Variants in CCSER1 observed in about 807,000 individuals in gnomAD.
CCSER1 encodes the protein serine-rich coiled-coil domain-containing protein 1.
CCSER1 carries 41 observed loss-of-function variants against 82.0 expected under a neutral mutation model. The ratio of observed to expected loss-of-function variants is 0.50; its 90% CI spans 0.39 to 0.65. The LOEUF (loss-of-function observed/expected upper bound fraction) is 0.65. Among genes scored for constraint, CCSER1 ranks in the 30% least tolerant of loss-of-function variants. CCSER1 has a pLI of 0.00. For synonymous variants in CCSER1, 414 were observed against 383.9 expected, an observed-to-expected ratio of 1.08 and a Z score of -0.92; for missense variants, 1,119 against 1,064.2, an observed-to-expected ratio of 1.05 and a Z score of -0.72.
chr4:90,726,837 C>T (rs1469318838), intron 7 of CCSER1, among the ~76,000 whole-genome samples: 9 of 151,974 alleles, frequency 5.9e-5, no homozygotes, highest in Non-Finnish European at 8.8e-5. Context: ...TTGTGGATCT[C>T]GTTGTAAGTA....
At chr4:90,966,856 A>C (rs1734614763) in intron 9 of CCSER1, among the ~76,000 whole-genome samples, 1 of 152,092 alleles carries the variant, frequency 6.6e-6, no homozygotes, top group South Asian at 2.1e-4. Context: ...CACAATTCCT[A>C]TCAAAATCCC....
intron 8 of CCSER1, among the ~76,000 whole-genome samples, chr4:90,823,114 G>A (rs1759976185): frequency 6.6e-6 from 1 of 152,058 alleles, no homozygotes; most frequent in African/African-American, 2.4e-5. Context: ...ATTATCAGAG[G>A]CAAAAATTTA....
At chr4:90,290,662 T>G (rs145603504) in intron 1 of CCSER1, among the ~76,000 whole-genome samples, 1 of 152,092 alleles carries the variant, frequency 6.6e-6, no homozygotes, top group East Asian at 1.9e-4. Flanking sequence ...TTGAAATTGT[T>G]GCTAGTGGCT....
intron 1 of CCSER1, among the ~76,000 whole-genome samples, chr4:90,262,091 G>A (rs1383206947): frequency 6.6e-6 from 1 of 151,168 alleles, no homozygotes; most frequent in Non-Finnish European, 1.5e-5. Flanking sequence ...ATTTTTATTT[G>A]CTATTTCAAA....
chr4:90,478,679 AC>A (rs987924447), intron 5 of CCSER1, among the ~76,000 whole-genome samples: 2 of 152,020 alleles, frequency 1.3e-5, no homozygotes, highest in African/African-American at 4.8e-5. Context: ...AGATTAAGTA[AC>A]TTGTCCAGGA....
At chr4:91,378,409 G>T (rs963379498) in intron 10 of CCSER1, among the ~76,000 whole-genome samples, 1 of 152,076 alleles carries the variant, frequency 6.6e-6, no homozygotes, top group Non-Finnish European at 1.5e-5. Flanking sequence ...ATTTGTTTGT[G>T]TCCTCTTTTA....
chr4:90,236,282 A>G (rs567476944), intron 1 of CCSER1, among the ~76,000 whole-genome samples: 2 of 152,230 alleles, frequency 1.3e-5, no homozygotes, highest in South Asian at 2.1e-4. Context: ...TGAATTCTTT[A>G]TTGTCTTAAC....
At chr4:91,006,104 G>A (rs1415533604) in intron 9 of CCSER1, among the ~76,000 whole-genome samples, 2 of 151,816 alleles carry the variant, frequency 1.3e-5, no homozygotes, top group Admixed American at 6.6e-5. Context: ...TTCTATTTCT[G>A]TGAAGAACGT....
chr4:90,886,049 T>TC (rs1174764826), intron 8 of CCSER1, among the ~76,000 whole-genome samples: 5 of 152,026 alleles, frequency 3.3e-5, no homozygotes, highest in Non-Finnish European at 7.4e-5. Context: ...TGACCTCCAC[T>TC]CCCTGAGGTC....
intron 1 of CCSER1, among the ~76,000 whole-genome samples, chr4:90,206,242 T>G (rs1305594484): frequency 6.6e-6 from 1 of 152,178 alleles, no homozygotes; most frequent in East Asian, 1.9e-4. Flanking sequence ...TCTGCTAGCT[T>G]TTGAATTTGT....
chr4:91,242,376 A>C (rs1284473239), intron 10 of CCSER1, among the ~76,000 whole-genome samples: 22 of 152,200 alleles, frequency 1.4e-4, no homozygotes, highest in Admixed American at 1.4e-3. Context: ...ATTGTAGAAA[A>C]GCAAACACTA....
chr4:90,470,189 C>A (rs1358122181), intron 5 of CCSER1, among the ~76,000 whole-genome samples: 2 of 152,046 alleles, frequency 1.3e-5, no homozygotes, highest in Non-Finnish European at 2.9e-5. Context: ...CATATTCAAT[C>A]AGTTATCAAT....
At chr4:91,099,021 A>G (rs1233197424) in intron 10 of CCSER1, among the ~76,000 whole-genome samples, 1 of 152,220 alleles carries the variant, frequency 6.6e-6, no homozygotes, top group East Asian at 1.9e-4. Context: ...AACTATACTT[A>G]TTTTATAGCC....
At chr4:90,623,123 G>A (rs1296763188) in intron 5 of CCSER1, among the ~76,000 whole-genome samples, 2 of 150,698 alleles carry the variant, frequency 1.3e-5, no homozygotes, top group Non-Finnish European at 2.9e-5. Context: ...CGCCCCCCAG[G>A]TTCACGCCAT....
In CCSER1 at chr4:91,496,956, C is replaced by G. The variant is rs543252215; in HGVS notation, c.2218-101616C>G. On this transcript the variant is annotated intron_variant, in intron 10 of 10. Transcript: ENST00000509176. ...CACTTTTGGGAATGAAATTATAAAA[C>G]AGAAGGTTGCATAGACTTATCGATG... Among the ~76,000 whole-genome samples the G allele has an allele frequency of 1.1e-4, 17 of 148,464 alleles. 1 individual carries two copies. The South Asian group carries it at 3.6e-3, about 31-fold the overall frequency.
At chr4:91,218,475 A>C (rs908486795) in intron 10 of CCSER1, among the ~76,000 whole-genome samples, 5 of 152,224 alleles carry the variant, frequency 3.3e-5, no homozygotes, top group Admixed American at 6.5e-5. Flanking sequence ...GAGCCCAGGC[A>C]GGGGAGGTGC....
At chr4:91,258,862 C>T (rs1740893780) in intron 10 of CCSER1, among the ~76,000 whole-genome samples, 1 of 151,974 alleles carries the variant, frequency 6.6e-6, no homozygotes, top group Non-Finnish European at 1.5e-5. Context: ...AGTAACTTGT[C>T]CATGGTCATC....
intron 1 of CCSER1, among the ~76,000 whole-genome samples, chr4:90,231,320 C>T (rs200115016): frequency 0.025 from 3,756 of 151,990 alleles, 154 homozygotes; most frequent in African/African-American, 0.079. Context: ...GTTCAATATA[C>T]GCAAATCAAT....
rs573070198 is a variant in CCSER1 at position 90,376,535 on chromosome 4, G to A, written c.1510-23501G>A. Reference sequence around the variant, plus strand: ...TAAAGAAAGCCATTTGGCTTTTTAAGGTAGTCCCTGATGGGTTGTAGGATT... The same window carrying A: ...TAAAGAAAGCCATTTGGCTTTTTAAAGTAGTCCCTGATGGGTTGTAGGATT... On this transcript the variant is annotated intron_variant, in intron 3 of 10. Coordinates refer to ENST00000509176, the MANE Select transcript of CCSER1 (RefSeq NM_001145065.2). Among the ~76,000 whole-genome samples, 11 of 152,264 alleles carry A rather than the reference G, an allele frequency of 7.2e-5. No homozygotes were observed. In the East Asian group the frequency reaches 1.9e-3, roughly 27 times the overall value.
Sources: gnomAD v4.1 joint callset for allele counts (sites outside exome capture counted in the v4.1 genomes callset) on GRCh38, gnomAD v4.1.1 for gene constraint, MANE v1.5 for transcripts, NCBI Gene and HGNC (gene_info 2026-07-23, HGNC 2026-07-21) for gene names.